GABRG3: variants seen among roughly 807,000 people sequenced by gnomAD.
The protein encoded by GABRG3 is gamma-aminobutyric acid receptor subunit gamma-3.
Under a neutral mutation model 48.8 loss-of-function variants are expected in GABRG3, and 25 were observed. The observed-to-expected ratio is 0.51, with a 90% CI of 0.37 to 0.72. The LOEUF is 0.72. GABRG3 is among the 30% of genes least tolerant of loss of function. GABRG3 has a pLI of 0.00. For synonymous variants in GABRG3, 227 were observed against 217.6 expected (o/e 1.04, Z -0.38); for missense variants, 394 against 577.9 (o/e 0.68, Z 3.26).
chr15:27,003,239 T>C (rs7402705), intron 2 of GABRG3, among the ~76,000 whole-genome samples: 1 of 106,766 alleles, frequency 9.4e-6, no homozygotes, highest in East Asian at 2.1e-4. Flanking sequence ...TTATTTATTT[T>C]TTATTGATCA....
intron 5 of GABRG3, among the ~76,000 whole-genome samples, chr15:27,411,381 A>T (rs1595736927): frequency 6.6e-6 from 1 of 152,236 alleles, no homozygotes; most frequent in South Asian, 2.1e-4. Flanking sequence ...GCTGGTTTTC[A>T]TGGTTACCAT....
intron 3 of GABRG3, among the ~76,000 whole-genome samples, chr15:27,154,583 A>C (rs897345495): frequency 3.9e-5 from 6 of 152,202 alleles, no homozygotes; most frequent in African/African-American, 1.2e-4. Context: ...ATTGTGACTT[A>C]TCCAATCATG....
At chr15:27,430,686 C>G (rs1001560142) in intron 5 of GABRG3, among the ~76,000 whole-genome samples, 1 of 152,062 alleles carries the variant, frequency 6.6e-6, no homozygotes, top group Admixed American at 6.6e-5. Flanking sequence ...TCTTGGCACC[C>G]TTGTCAAAAA....
chr15:27,119,914 G>A (rs190766352), intron 3 of GABRG3, among the ~76,000 whole-genome samples: 52 of 152,160 alleles, frequency 3.4e-4, no homozygotes, highest in Non-Finnish European at 6.5e-4. Flanking sequence ...GCAGAGTCCT[G>A]TGCAATGTAA....
chr15:27,159,146 T>G (rs1271086064), intron 3 of GABRG3, among the ~76,000 whole-genome samples: 2 of 152,166 alleles, frequency 1.3e-5, no homozygotes, highest in Admixed American at 6.5e-5. Flanking sequence ...AGCAATTTAA[T>G]TTTTATGGTT....
intron 3 of GABRG3, among the ~76,000 whole-genome samples, chr15:27,217,884 C>T (rs1889315736): frequency 6.6e-6 from 1 of 152,196 alleles, no homozygotes; most frequent in South Asian, 2.1e-4. Flanking sequence ...TGTCCTGCCT[C>T]TCCCTGAGCT....
rs1230721894 is a variant in GABRG3, at chr15:27,539,797, A to C, written c.*6916A>C. 6.6e-6 allele frequency: 1 copy of C among 152,196 alleles called. No homozygotes were observed. The highest frequency in any genetic ancestry group is 1.9e-4 in the East Asian group (1 of 5,182). 9.4% of individuals were successfully genotyped at this position (152,196 alleles called of 1,614,324 possible). ...CCTCCAGGGTGGCCTTGGGAGCTAC[A>C]GAGAGGAAAAAAAGAAAAAATGTTG... is the stretch of plus-strand genomic sequence containing the variant. On this transcript the variant is annotated 3_prime_UTR_variant, in exon 10 of 10. Coordinates refer to ENST00000615808, the MANE Select transcript of GABRG3 (RefSeq NM_033223.5).
chr15:27,529,764 A>G (rs1891373860), intron 9 of GABRG3, among the ~76,000 whole-genome samples: 1 of 152,018 alleles, frequency 6.6e-6, no homozygotes, highest in Non-Finnish European at 1.5e-5. Flanking sequence ...CATAGCCAGC[A>G]CCTGGGTGTT....
intron 3 of GABRG3, among the ~76,000 whole-genome samples, chr15:27,204,084 G>A (rs531635089): frequency 1.3e-5 from 2 of 152,006 alleles, no homozygotes; most frequent in African/African-American, 4.8e-5. Flanking sequence ...TATTTTTGTC[G>A]GAATTGCTTT....
At chr15:27,031,343 G>A (rs994926893) in intron 3 of GABRG3, among the ~76,000 whole-genome samples, 1 of 152,054 alleles carries the variant, frequency 6.6e-6, no homozygotes, top group African/African-American at 2.4e-5. Flanking sequence ...ATCCCCAGAC[G>A]CTGGCAACCA....
At chr15:27,420,141 T>C (rs1164465288) in intron 5 of GABRG3, among the ~76,000 whole-genome samples, 1 of 152,164 alleles carries the variant, frequency 6.6e-6, no homozygotes, top group African/African-American at 2.4e-5. Flanking sequence ...GTGCAAATCC[T>C]TTTTTTAGAA....
chr15:27,347,294 C>A (rs139424568), intron 5 of GABRG3, among the ~76,000 whole-genome samples: 4 of 152,180 alleles, frequency 2.6e-5, no homozygotes, highest in Non-Finnish European at 5.9e-5. Flanking sequence ...GTGGAGCCAA[C>A]GGAGGTTTGT....
rs529870584 is a variant in GABRG3, at chr15:27,318,045, C to T, written c.271-8764C>T. Among the ~76,000 whole-genome samples the T allele has an allele frequency of 6.6e-5, 10 of 152,188 alleles. No individual in the cohort carries two copies. The East Asian group carries it at 1.6e-3, about 24-fold the overall frequency. ...ACCCTAAATTACATACAATAAAAAC[C>T]GTGCTCCTGTAACGCAGCTGCTACA... is the stretch of plus-strand genomic sequence containing the variant. On this transcript the variant is annotated intron_variant, in intron 3 of 9. Coordinates refer to ENST00000615808, the MANE Select transcript of GABRG3 (RefSeq NM_033223.5).
At chr15:27,503,355 G>A (rs780473761) in intron 6 of GABRG3, among the ~76,000 whole-genome samples, 2 of 152,138 alleles carry the variant, frequency 1.3e-5, no homozygotes, top group Non-Finnish European at 2.9e-5. Context: ...AAAACATTTC[G>A]ATCACCACAT....
intron 5 of GABRG3, among the ~76,000 whole-genome samples, chr15:27,336,130 AGTGAGCCAAGATC>A (rs1893955454): frequency 1.3e-5 from 2 of 151,850 alleles, no homozygotes; most frequent in Non-Finnish European, 2.9e-5. Context: ...CAGAGGTTGC[AGTGAGCCAAGATC>A]GTGCCATTGC....
chr15:27,540,965 A>T lies in GABRG3; in HGVS notation c.*8084A>T, dbSNP rs1891650615. ...AGTTTTCTAGCGATAGCGTATTAGC[A>T]CTAAGCCTCTGGTTAGGATAAAAAG... On this transcript the variant is annotated 3_prime_UTR_variant, in exon 10 of 10. Transcript: ENST00000615808. 1 of 152,254 alleles carries T rather than the reference A, an allele frequency of 6.6e-6. No individual in the cohort carries two copies. The highest frequency in any genetic ancestry group is 6.5e-5 in the Admixed American group (1 of 15,284). 9.4% of individuals were successfully genotyped at this position (152,254 alleles called of 1,614,324 possible).
chr15:27,045,856 C>A (rs1896353788), intron 3 of GABRG3, among the ~76,000 whole-genome samples: 1 of 152,210 alleles, frequency 6.6e-6, no homozygotes, highest in Non-Finnish European at 1.5e-5. Flanking sequence ...CCTGTCTTCA[C>A]TTTGCAGCAA....
At chr15:27,391,217 C>T (rs937465715) in intron 5 of GABRG3, among the ~76,000 whole-genome samples, 2 of 152,074 alleles carry the variant, frequency 1.3e-5, no homozygotes, top group African/African-American at 4.8e-5. Context: ...ATTTTATAGG[C>T]TTTATTATAG....
intron 3 of GABRG3, among the ~76,000 whole-genome samples, chr15:27,143,010 C>T (rs1898133177): frequency 6.6e-6 from 1 of 152,288 alleles, no homozygotes; most frequent in Admixed American, 6.5e-5. Context: ...CTGCCTCAGC[C>T]TCCCAAAATG....
Sources: gnomAD v4.1 joint callset for allele counts (sites outside exome capture counted in the v4.1 genomes callset) on GRCh38, gnomAD v4.1.1 for gene constraint, MANE v1.5 for transcripts, NCBI Gene and HGNC (gene_info 2026-07-23, HGNC 2026-07-21) for gene names.